The following DLST variants were observed in gnomAD, a reference collection of about 807,000 sequenced individuals.
DLST encodes dihydrolipoamide S-succinyltransferase, also known as dihydrolipoyllysine-residue succinyltransferase component of 2-oxoglutarate dehydrogenase complex, mitochondrial.
DLST carries 17 observed loss-of-function variants against 53.1 expected under a neutral mutation model. That is an observed-to-expected ratio of 0.32 (90% CI 0.22 to 0.48). DLST has a LOEUF of 0.48. Among genes scored for constraint, DLST ranks in the 20% least tolerant of loss-of-function variants. The pLI is 0.99. For missense variants in DLST, 512 were observed against 583.9 expected (o/e 0.88, Z 1.27); for synonymous variants, 206 against 204.8 (o/e 1.01, Z -0.05).
chr14:74,882,882 G>A (rs1566787700), intron 2 of DLST, among the ~76,000 whole-genome samples: 1 of 152,242 alleles, frequency 6.6e-6, no homozygotes, highest in Non-Finnish European at 1.5e-5. Flanking sequence ...CCCTCGTGGA[G>A]CTCCTAGGCT....
chr14:74,883,244 G>T (rs1883592347), intron 2 of DLST, among the ~76,000 whole-genome samples: 1 of 149,664 alleles, frequency 6.7e-6, no homozygotes, highest in Admixed American at 6.7e-5. Flanking sequence ...GCAGTGAGCC[G>T]AGTTCGCGCC....
At position 74,881,985 on chromosome 14, in the gene DLST, C is replaced by T. The variant is rs920871868; in HGVS notation, c.32C>T (p.Ala11Val). The change falls in exon 1 of 15, where the codon GCG becomes GTG. Residue 11 changes from alanine to valine, a missense_variant. Physicochemically the swap from Ala to Val is moderately conservative, Grantham distance 64 (BLOSUM62 0). This residue lies in a region of DLST where 129 missense variants were observed against 90.9 expected (regional missense o/e 1.42). Transcript: ENST00000334220. Reference protein sequence around the residue: MLSRSRCVSRAFSRSLSAFQK... With the variant: MLSRSRCVSRVFSRSLSAFQK... ...TCCCGATCCCGCTGTGTGTCTCGGG[C>T]GTTCAGCCGCTCGCTCTCCGCCTTC... is the stretch of plus-strand genomic sequence containing the variant. The T allele has an allele frequency of 5.1e-6, 8 of 1,572,408 alleles. No homozygotes were observed. In the African/African-American group the frequency reaches 6.8e-5, roughly 13 times the overall value.
intron 11 of DLST, 109 bp downstream of exon 11, chr14:74,898,608 C>A (rs1245968607): frequency 2.7e-5 from 36 of 1,329,168 alleles, no homozygotes; most frequent in Non-Finnish European, 3.5e-5. Flanking sequence ...TATTTGCTAC[C>A]TATAGAAATA....
At position 74,902,299 on chromosome 14, in the gene DLST, A is replaced by T. The variant is rs766495200; in HGVS notation, c.1331A>T (p.Glu444Val). The change falls in exon 15 of 15, where the codon GAG becomes GTG. Residue 444 changes from glutamate (E) to valine (V), a missense_variant. Glu to Val is a moderately radical substitution (Grantham distance 121). Coordinates refer to ENST00000334220, the MANE Select transcript of DLST (RefSeq NM_001933.5). ...TFLRKIKAAV[E>V]DPRVLLLDL ...CTCCGCAAAATCAAGGCAGCGGTAG[A>T]GGATCCCAGAGTCCTCCTCCTGGAT... 6.8e-6 allele frequency: 11 copies of T among 1,612,614 alleles called. No homozygotes were observed. The highest frequency in any genetic ancestry group is 9.3e-6 in the Non-Finnish European group (11 of 1,179,578).
In DLST at chr14:74,897,938, G is replaced by GTTTT. The variant is rs60311929; in HGVS notation, c.771-418_771-415dup. On this transcript the variant is annotated intron_variant, in intron 10 of 14. Transcript: ENST00000334220. Reference sequence around the variant, plus strand: ...GGGAGTTATACTCAGATTTGGTGGGGTTTTTTTTTTTTTTTTGTATTCTAA... The same window carrying GTTTT: ...GGGAGTTATACTCAGATTTGGTGGGGTTTTTTTTTTTTTTTTTTTTGTATTCTAA... 1.2e-3 allele frequency among the ~76,000 whole-genome samples: 166 copies of GTTTT among 136,960 alleles called. 1 individual carries two copies. The highest frequency in any genetic ancestry group is 4.3e-3 in the African/African-American group (163 of 37,666). The allele number at this position is 136,960 out of a possible 152,430, so 89.9% of individuals were successfully genotyped here.
chr14:74,896,631 A>G (rs905187500), intron 10 of DLST, among the ~76,000 whole-genome samples: 5 of 152,240 alleles, frequency 3.3e-5, no homozygotes. Flanking sequence ...ACTGGATGAC[A>G]TTCAAGCCAA....
chr14:74,890,432 A>G (rs991437245), intron 6 of DLST, among the ~76,000 whole-genome samples: 1 of 151,940 alleles, frequency 6.6e-6, no homozygotes, highest in African/African-American at 2.4e-5. Flanking sequence ...TTTAACTTTA[A>G]ATTGTTTGCT....
intron 12 of DLST, 26 bp downstream of exon 12, chr14:74,900,022 T>A: frequency 6.3e-7 from 1 of 1,584,766 alleles, no homozygotes; most frequent in Non-Finnish European, 8.7e-7. Context: ...AGGTGGGGAA[T>A]GTTGGTCTTA....
intron 3 of DLST, 63 bp downstream of exon 3, chr14:74,885,697 C>A: frequency 6.8e-7 from 1 of 1,481,086 alleles, no homozygotes; most frequent in South Asian, 1.3e-5. Flanking sequence ...ACATAAAGTT[C>A]TAAATTTGAC....
In DLST at chr14:74,893,819, T is replaced by C. The variant is rs577891133; in HGVS notation, c.672+395T>C. Among the ~76,000 whole-genome samples, 5 of 152,318 alleles carry C rather than the reference T, an allele frequency of 3.3e-5. No individual in the cohort carries two copies. In the East Asian group the frequency reaches 9.7e-4, roughly 29 times the overall value. On this transcript the variant is annotated intron_variant, in intron 9 of 14. Coordinates refer to ENST00000334220, the MANE Select transcript of DLST (RefSeq NM_001933.5). ...GCTAAGGGATAATACTCAGTAGCAA[T>C]AGCTGTCAGGTGCAGACATAAAGCC...
intron 7 of DLST, 154 bp downstream of exon 7, chr14:74,891,321 A>G (rs1883899884): frequency 7.1e-7 from 1 of 1,411,502 alleles, no homozygotes; most frequent in South Asian, 1.6e-5. Flanking sequence ...TATAGTGTGA[A>G]CTTCAAATGT....
intron 7 of DLST, chr14:74,891,627 G>A: frequency 1.0e-6 from 1 of 985,858 alleles, no homozygotes; most frequent in Non-Finnish European, 1.2e-6. Context: ...TCTAGGAAGG[G>A]TTGGTATTTC....
rs112045178 is a variant in DLST, at chr14:74,886,653, A to G, written c.146+1019A>G. On this transcript the variant is annotated intron_variant, in intron 3 of 14. Transcript: ENST00000334220. ...GGCTGATTTTTTAAAATTTGAGTAAATGTTGCACTCAGTACTAGAAATATG... is the reference window on the plus strand; with the variant it reads ...GGCTGATTTTTTAAAATTTGAGTAAGTGTTGCACTCAGTACTAGAAATATG... 1.1e-3 allele frequency among the ~76,000 whole-genome samples: 171 copies of G among 152,106 alleles called. 1 individual carries two copies. Among genetic ancestry groups the G allele is most frequent in the African/African-American group, 4.0e-3 (167 of 41,470 alleles).
intron 3 of DLST, among the ~76,000 whole-genome samples, chr14:74,888,778 T>G (rs1883794755): frequency 6.6e-6 from 1 of 152,184 alleles, no homozygotes; most frequent in Admixed American, 6.5e-5. Context: ...GCTTATTTTT[T>G]TATTGAAAGA....
chr14:74,882,492 G>A, intron 1 of DLST, 99 bp from the exon 2 acceptor site: 1 of 1,224,464 alleles, frequency 8.2e-7, no homozygotes, highest in African/African-American at 1.5e-5. Flanking sequence ...AGATTCACCT[G>A]TCACCACCAC....
chr14:74,881,946 C>A lies in DLST; in HGVS notation c.-8C>A. On this transcript the variant is annotated 5_prime_UTR_variant, in exon 1 of 15. Coordinates refer to ENST00000334220, the MANE Select transcript of DLST (RefSeq NM_001933.5). The stretch of plus-strand genomic sequence containing the variant: ...CGGTGTCCGCCCGCCCTCGGCTCCT[C>A]CGCCGTGATGCTGTCCCGATCCCGC... 6.5e-7 allele frequency: 1 copy of A among 1,549,654 alleles called. No individual in the cohort carries two copies. The highest frequency in any genetic ancestry group is 8.7e-7 in the Non-Finnish European group (1 of 1,154,612).
At position 74,899,951 on chromosome 14, in the gene DLST, G is replaced by C. The variant is rs749716842; in HGVS notation, c.930G>C (p.Val310=). ...AVIDDTTKEV[V]YRDYIDISVA... ...TTGACGACACAACCAAAGAGGTGGT[G>C]TATAGGGATTATATTGACATCAGTG... The change falls in exon 12 of 15, where the codon GTG becomes GTC. Residue 310 remains valine, a synonymous_variant. Transcript: ENST00000334220. The C allele has an allele frequency of 2.5e-6, 4 of 1,613,682 alleles. No individual in the cohort carries two copies. Among genetic ancestry groups the C allele is most frequent in the Non-Finnish European group, 3.4e-6 (4 of 1,179,852 alleles).
At chr14:74,884,528 CAG>C (rs1278057140) in intron 2 of DLST, among the ~76,000 whole-genome samples, 1 of 152,160 alleles carries the variant, frequency 6.6e-6, no homozygotes, top group African/African-American at 2.4e-5. Flanking sequence ...CGTTCCACTT[CAG>C]AGAGTTGTGA....
chr14:74,891,197 T>C, intron 7 of DLST, 30 bp downstream of exon 7: 1 of 1,613,796 alleles, frequency 6.2e-7, no homozygotes, highest in Non-Finnish European at 8.5e-7. Context: ...GGTCAAGGTC[T>C]CCAGTGTTCC....
Sources: allele counts gnomAD v4.1 joint callset (sites outside exome capture counted in the v4.1 genomes callset), GRCh38; gene constraint gnomAD v4.1.1; regional missense constraint gnomAD v4.1.1; transcripts MANE v1.5; gene names NCBI Gene and HGNC (gene_info 2026-07-23, HGNC 2026-07-21).